The following DPEP1 variants were observed in gnomAD, a reference collection of about 807,000 sequenced individuals.
DPEP1 encodes beta-lactamase.
Under a neutral mutation model 42.3 loss-of-function variants are expected in DPEP1, and 50 were observed. That is an observed-to-expected ratio of 1.18 (90% CI 0.94 to 1.50). The LOEUF (loss-of-function observed/expected upper bound fraction) is 1.50, where lower values mean the gene tolerates loss of function less well. Among genes scored for constraint, DPEP1 ranks in the 40% most tolerant of loss-of-function variants. DPEP1 has a pLI of 0.00. For synonymous variants in DPEP1, 297 were observed against 234.0 expected (o/e 1.27, Z -2.46); for missense variants, 663 against 553.0 (o/e 1.20, Z -1.99).
rs377731528 is a variant in DPEP1, at chr16:89,630,399, G to T, written c.-12G>T. The T allele has an allele frequency of 2.1e-5, 33 of 1,605,410 alleles. No individual in the cohort carries two copies. The highest frequency in any genetic ancestry group is 2.7e-5 in the Non-Finnish European group (32 of 1,175,268). On this transcript the variant is annotated 5_prime_UTR_variant, in exon 2 of 11. Coordinates refer to ENST00000690203, the MANE Select transcript of DPEP1 (RefSeq NM_001389466.1). ...AGGGCAGCAGTGCACACAGGTCCCC[G>T]GGGACCCCACCATGTGGAGCGGATG...
chr16:89,638,208 C>T lies in DPEP1; in HGVS notation c.1222C>T (p.Leu408=). The change falls in exon 11 of 11, where the codon CTG becomes TTG. Residue 408 remains leucine, a synonymous_variant. Transcript: ENST00000690203. The part of the protein sequence containing the change: ...LASLAPLVLC[L]SLL ...CTCCCTCGCTCCCCTGGTCCTCTGTCTGTCTCTCCTGTGAAACCTGGGAGA... is the reference window on the plus strand; with the variant it reads ...CTCCCTCGCTCCCCTGGTCCTCTGTTTGTCTCTCCTGTGAAACCTGGGAGA... The T allele has an allele frequency of 6.4e-7, 1 of 1,566,122 alleles. No individual in the cohort carries two copies. Among genetic ancestry groups the T allele is most frequent in the South Asian group, 1.2e-5 (1 of 84,532 alleles).
chr16:89,638,131 G>A lies in DPEP1; in HGVS notation c.1145G>A (p.Gly382Asp), dbSNP rs200396940. The A allele has an allele frequency of 3.5e-5, 56 of 1,612,126 alleles. No individual in the cohort carries two copies. The East Asian group carries it at 1.0e-3, about 30-fold the overall frequency. Residue 382 changes from glycine to aspartate, a missense_variant, in exon 11 of 11, where the codon GGC (glycine) becomes GAC (aspartate). Gly to Asp is a moderately conservative substitution (Grantham distance 94). Coordinates refer to ENST00000690203, the MANE Select transcript of DPEP1 (RefSeq NM_001389466.1). Reference protein sequence around the residue: ...QLGGSCRTHYGYSSGASSLHR... With the variant: ...QLGGSCRTHYDYSSGASSLHR... Reference sequence around the variant, plus strand: ...GGTGGCTCCTGCAGGACCCATTACGGCTACTCCTCTGGGGCTTCCAGCCTC... The same window carrying A: ...GGTGGCTCCTGCAGGACCCATTACGACTACTCCTCTGGGGCTTCCAGCCTC...
chr16:89,638,602 T>C (rs2059714262), downstream of DPEP1: 1 of 676,818 alleles, frequency 1.5e-6, no homozygotes, highest in African/African-American at 2.0e-5. Context: ...CTTGAGCGTC[T>C]TTAGGGACAG....
chr16:89,639,077 C>G (rs1338521393), downstream of DPEP1, among the ~76,000 whole-genome samples: 1 of 76,164 alleles, frequency 1.3e-5, no homozygotes, highest in African/African-American at 5.9e-5. Context: ...TGCACACACA[C>G]ACCCCATTCC....
chr16:89,628,252 C>CTTTTTTTTTTTTTTTT (rs60909664), intron 1 of DPEP1, among the ~76,000 whole-genome samples: 1 of 75,522 alleles, frequency 1.3e-5, no homozygotes, highest in Non-Finnish European at 2.6e-5. Flanking sequence ...TCTTTCTTTT[C>CTTTTTTTTTTTTTTTT]TTTCTTTTTT....
chr16:89,634,556 T>TG, intron 2 of DPEP1, among the ~76,000 whole-genome samples: 1 of 9,258 alleles, frequency 1.1e-4, no homozygotes, highest in Non-Finnish European at 4.7e-4. Flanking sequence ...CCCTTCCTTC[T>TG]CCTTTCCCTT....
At chr16:89,637,588 G>A (rs768961494) in intron 8 of DPEP1, 36 bp downstream of exon 8, 1 of 1,612,872 alleles carries the variant, frequency 6.2e-7, no homozygotes, top group Non-Finnish European at 8.5e-7. Context: ...GGGCCGAAGG[G>A]GGAGGGCCTC....
chr16:89,636,843 GC>G, intron 5 of DPEP1, 22 bp from the exon 6 acceptor site: 1 of 1,612,086 alleles, frequency 6.2e-7, no homozygotes, highest in Non-Finnish European at 8.5e-7. Flanking sequence ...CACCTCTTGG[GC>G]ACCTGCCTTT....
chr16:89,632,050 T>G (rs2059595352), intron 2 of DPEP1, among the ~76,000 whole-genome samples: 1 of 152,068 alleles, frequency 6.6e-6, no homozygotes. Flanking sequence ...GTTTTTGTTT[T>G]GTTTTGTTTT....
chr16:89,624,027 C>T (rs1321601966), intron 1 of DPEP1, among the ~76,000 whole-genome samples: 1 of 152,116 alleles, frequency 6.6e-6, no homozygotes, highest in Non-Finnish European at 1.5e-5. Flanking sequence ...GGTGCGGTCA[C>T]CTCCTGAGGG....
chr16:89,617,707 C>T (rs1178580822), intron 1 of DPEP1, among the ~76,000 whole-genome samples: 5 of 70,326 alleles, frequency 7.1e-5, no homozygotes, highest in African/African-American at 2.1e-4. Flanking sequence ...AGGTTGGGCA[C>T]GGTGGCTCAC....
At chr16:89,618,541 G>C (rs415981) in intron 1 of DPEP1, among the ~76,000 whole-genome samples, 148,904 of 152,250 alleles carry the variant, frequency 0.98, 72,893 homozygotes, top group East Asian at 1. Flanking sequence ...TATGCATTTA[G>C]TTTTGAGACA....
intron 2 of DPEP1, among the ~76,000 whole-genome samples, chr16:89,633,941 A>G (rs750183312): frequency 5.3e-5 from 8 of 151,970 alleles, no homozygotes; most frequent in Non-Finnish European, 1.0e-4. Flanking sequence ...GGGAAGGGGA[A>G]CCCTGGGCAT....
intron 2 of DPEP1, among the ~76,000 whole-genome samples, chr16:89,634,174 T>C (rs932445931): frequency 6.8e-6 from 1 of 147,246 alleles, no homozygotes; most frequent in African/African-American, 2.5e-5. Context: ...CTGCAAGCTC[T>C]GCCTCCTGGG....
Position 89,636,364 on chromosome 16 carries a change from C to A in DPEP1, c.338C>A (p.Pro113Gln). The A allele has an allele frequency of 6.2e-7, 1 of 1,612,456 alleles. No individual in the cohort carries two copies. The highest frequency in any genetic ancestry group is 8.5e-7 in the Non-Finnish European group (1 of 1,179,814). ...GTCCACCGCATGTGCCGGATGTACC[C>A]GGAGACCTTCCTGTATGTCACCAGC... ...DVVHRMCRMY[P>Q]ETFLYVTSSA... The change falls in exon 4 of 11, where the codon CCG becomes CAG. Residue 113 changes from proline (P) to glutamine (Q), a missense_variant. Physicochemically the swap from Pro to Gln is moderately conservative, Grantham distance 76. Transcript: ENST00000690203.
chr16:89,636,116 A>G, intron 3 of DPEP1, 76 bp downstream of exon 3: 1 of 1,551,082 alleles, frequency 6.4e-7, no homozygotes. Context: ...CTACAGTGGG[A>G]CCATCCCTGT....
At chr16:89,631,483 A>T (rs76878855) in intron 2 of DPEP1, among the ~76,000 whole-genome samples, 21 of 152,276 alleles carry the variant, frequency 1.4e-4, no homozygotes, top group Admixed American at 1.2e-3. Context: ...TGGTGTCTCC[A>T]CCTGGAAAAT....
chr16:89,630,473 C>G lies in DPEP1; in HGVS notation c.63C>G (p.Asp21Glu). ...TCTGCACTGCAGACTTCTTTCGGGA[C>G]GAGGCAGAGAGGATCATGAGGGACT... Reference protein sequence around the residue: ...VAVCTADFFRDEAERIMRDSP... With the variant: ...VAVCTADFFREEAERIMRDSP... The change falls in exon 2 of 11, where the codon GAC (aspartate) becomes GAG (glutamate). Residue 21 changes from aspartate (D) to glutamate (E), a missense_variant. Transcript: ENST00000690203. 9.9e-6 allele frequency: 16 copies of G among 1,608,560 alleles called. No individual in the cohort carries two copies. Among genetic ancestry groups the G allele is most frequent in the Non-Finnish European group, 1.4e-5 (16 of 1,178,266 alleles).
At chr16:89,640,553 G>A (rs2059735574), downstream of DPEP1, 2 of 985,202 alleles carry the variant, frequency 2.0e-6, no homozygotes, top group Non-Finnish European at 2.4e-6. Context: ...GATCTTCCAG[G>A]ATGCACTTAT....
Sources: allele counts gnomAD v4.1 joint callset (sites outside exome capture counted in the v4.1 genomes callset), GRCh38; gene constraint gnomAD v4.1.1; transcripts MANE v1.5; gene names NCBI Gene and HGNC (gene_info 2026-07-23, HGNC 2026-07-21).